COL24A1: variants seen among roughly 807,000 people sequenced by gnomAD.
The protein encoded by COL24A1 is collagen alpha-1(XXIV) chain.
A neutral mutation model predicts 253.9 loss-of-function variants in COL24A1; 224 were observed. The ratio of observed to expected loss-of-function variants is 0.88; its 90% CI spans 0.79 to 0.99. The LOEUF is 0.99. COL24A1 is among the 50% of genes least tolerant of loss of function. The probability of loss-of-function intolerance (pLI) is 0.00; values close to 1 mark genes in which losing one functional copy is unlikely to be tolerated. For synonymous variants in COL24A1, 685 were observed against 673.7 expected, an observed-to-expected ratio of 1.02 and a Z score of -0.26; for missense variants, 2,131 against 2,068.5, an observed-to-expected ratio of 1.03 and a Z score of -0.59.
chr1:85,865,021 T>C (rs2102481687), intron 37 of COL24A1, among the ~76,000 whole-genome samples: 1 of 152,262 alleles, frequency 6.6e-6, no homozygotes, highest in East Asian at 1.9e-4. Flanking sequence ...AAGCATAAAA[T>C]ATACAATTTT....
chr1:85,822,958 T>C (rs1269107788), intron 45 of COL24A1, among the ~76,000 whole-genome samples: 1 of 152,192 alleles, frequency 6.6e-6, no homozygotes, highest in Non-Finnish European at 1.5e-5. Flanking sequence ...TGGTGTTTCC[T>C]CTTAAGTAAT....
At chr1:85,828,166 C>T (rs1435600866) in intron 43 of COL24A1, among the ~76,000 whole-genome samples, 4 of 151,984 alleles carry the variant, frequency 2.6e-5, no homozygotes, top group East Asian at 3.9e-4. Flanking sequence ...TTTCTGCCTT[C>T]ATTTCGTTAT....
At chr1:85,771,304 A>G (rs746039018) in intron 53 of COL24A1, among the ~76,000 whole-genome samples, 20 of 151,740 alleles carry the variant, frequency 1.3e-4, no homozygotes, top group African/African-American at 3.1e-4. Flanking sequence ...CCCTGTGTCC[A>G]TGTGTTCTCA....
chr1:86,055,711 T>G (rs1284404914), intron 10 of COL24A1, among the ~76,000 whole-genome samples: 1 of 152,232 alleles, frequency 6.6e-6, no homozygotes, highest in Non-Finnish European at 1.5e-5. Context: ...TCATCTTGTT[T>G]AATTTTTCAC....
At chr1:85,911,539 T>G in intron 24 of COL24A1, 106 bp from the exon 25 acceptor site, 1 of 915,454 alleles carries the variant, frequency 1.1e-6, no homozygotes, top group South Asian at 1.4e-5. Context: ...TAACTTATCC[T>G]AAATGTTATC....
chr1:85,996,686 T>G (rs1420555846), intron 19 of COL24A1, among the ~76,000 whole-genome samples: 1 of 151,958 alleles, frequency 6.6e-6, no homozygotes, highest in Non-Finnish European at 1.5e-5. Flanking sequence ...TAAATTAACT[T>G]AGTCAAGACA....
chr1:86,071,671 G>C (rs1701882706), intron 7 of COL24A1, among the ~76,000 whole-genome samples: 1 of 152,096 alleles, frequency 6.6e-6, no homozygotes, highest in African/African-American at 2.4e-5. Context: ...TTATAACAAA[G>C]GGGTCAATTC....
In COL24A1 at chr1:86,153,527, T is replaced by C. The variant is rs532193722; in HGVS notation, c.56+2814A>G. 3.3e-5 allele frequency among the ~76,000 whole-genome samples: 5 copies of C among 152,342 alleles called. No homozygotes were observed. In the South Asian group the frequency reaches 1.0e-3, roughly 32 times the overall value. ...GAGTTACAAATTCTAAAATAAGTCATAGTTGGAAGGCATGGCAAGGAAACT... is the reference window on the plus strand; with the variant it reads ...GAGTTACAAATTCTAAAATAAGTCACAGTTGGAAGGCATGGCAAGGAAACT... On this transcript the variant is annotated intron_variant, in intron 1 of 59. Transcript: ENST00000370571.
At chr1:85,826,771 AT>A (rs1674402426) in intron 43 of COL24A1, among the ~76,000 whole-genome samples, 2 of 151,624 alleles carry the variant, frequency 1.3e-5, no homozygotes, top group Non-Finnish European at 2.9e-5. Flanking sequence ...TTGCACATTG[AT>A]TTTGTATCCT....
At chr1:85,941,812 G>C (rs1571307865) in intron 24 of COL24A1, among the ~76,000 whole-genome samples, 1 of 151,914 alleles carries the variant, frequency 6.6e-6, no homozygotes, top group Admixed American at 6.6e-5. Flanking sequence ...AAACTTACTT[G>C]ATCTTCTAAA....
chr1:85,980,636 C>T (rs754343520), intron 20 of COL24A1, among the ~76,000 whole-genome samples: 151 of 152,188 alleles, frequency 9.9e-4, no homozygotes, highest in African/African-American at 1.4e-3. Flanking sequence ...AAGGCGGGTG[C>T]GGTGGCTCAT....
At position 85,744,647 on chromosome 1, in the gene COL24A1, G is replaced by C; in HGVS notation, c.4672+19C>G. 1.3e-6 allele frequency: 2 copies of C among 1,575,124 alleles called. No individual in the cohort carries two copies. Among genetic ancestry groups the C allele is most frequent in the Non-Finnish European group, 1.7e-6 (2 of 1,152,948 alleles). ...GAAATGAAATTCACTATCAGAGTTT[G>C]AGGTAACCAAGAACTTACCATCTGA... On this transcript the variant is annotated intron_variant, in intron 57 of 59. Coordinates refer to ENST00000370571, the MANE Select transcript of COL24A1 (RefSeq NM_152890.7).
chr1:85,927,224 G>A (rs964981047), intron 24 of COL24A1, among the ~76,000 whole-genome samples: 6 of 149,660 alleles, frequency 4.0e-5, no homozygotes, highest in Admixed American at 1.3e-4. Context: ...GTGTGTGTGC[G>A]CACCGTGCGC....
intron 24 of COL24A1, among the ~76,000 whole-genome samples, chr1:85,933,915 CA>C (rs1688034401): frequency 6.6e-6 from 1 of 152,082 alleles, no homozygotes; most frequent in South Asian, 2.1e-4. Context: ...AAATTACCCC[CA>C]AAAGTTAGTG....
chr1:85,800,451 C>A (rs953458214), intron 47 of COL24A1, among the ~76,000 whole-genome samples: 3 of 152,138 alleles, frequency 2.0e-5, no homozygotes, highest in African/African-American at 4.8e-5. Context: ...ATTAGATCTG[C>A]ATATTAGTCA....
chr1:85,950,924 C>T (rs1466357879), intron 24 of COL24A1, among the ~76,000 whole-genome samples: 1 of 152,188 alleles, frequency 6.6e-6, no homozygotes, highest in South Asian at 2.1e-4. Flanking sequence ...TGTGCCTTAC[C>T]TACCTCCAGC....
At chr1:85,735,925 A>G (rs369377109) in intron 58 of COL24A1, among the ~76,000 whole-genome samples, 269 of 152,278 alleles carry the variant, frequency 1.8e-3, no homozygotes, top group African/African-American at 6.3e-3. Context: ...AGAAAGAAAA[A>G]ACAAAATGAG....
At chr1:85,981,781 C>A (rs1466900854) in intron 20 of COL24A1, among the ~76,000 whole-genome samples, 1 of 152,174 alleles carries the variant, frequency 6.6e-6, no homozygotes, top group Admixed American at 6.5e-5. Context: ...ATCTGTAAAA[C>A]ACTCCTATAA....
chr1:86,024,040 C>T (rs1024721574), intron 14 of COL24A1, among the ~76,000 whole-genome samples: 1 of 152,044 alleles, frequency 6.6e-6, no homozygotes, highest in African/African-American at 2.4e-5. Flanking sequence ...GGATAGCATC[C>T]TAAGCCCTCT....
Sources: allele counts gnomAD v4.1 joint callset (sites outside exome capture counted in the v4.1 genomes callset), GRCh38; gene constraint gnomAD v4.1.1; transcripts MANE v1.5; gene names NCBI Gene and HGNC (gene_info 2026-07-23, HGNC 2026-07-21).